The following TMEM232 variants were observed in gnomAD, a reference collection of about 807,000 sequenced individuals.
TMEM232 encodes the protein transmembrane protein 232.
Under a neutral mutation model 78.8 loss-of-function variants are expected in TMEM232, and 80 were observed. The ratio of observed to expected loss-of-function variants is 1.01; its 90% confidence interval spans 0.85 to 1.22. The LOEUF (loss-of-function observed/expected upper bound fraction) is 1.22, where lower values mean the gene tolerates loss of function less well. Among genes scored for constraint, TMEM232 ranks in the 50% most tolerant of loss-of-function variants. The pLI is 0.00. For synonymous variants in TMEM232, 297 were observed against 254.3 expected (o/e 1.17, Z -1.60); for missense variants, 881 against 742.2 (o/e 1.19, Z -2.17).
intron 1 of TMEM232, among the ~76,000 whole-genome samples, chr5:110,736,955 C>A (rs3985087): frequency 0.086 from 12,901 of 149,280 alleles, 573 homozygotes; most frequent in Admixed American, 0.13. Flanking sequence ...TCACTTCATT[C>A]AGTTCTCTGC....
At chr5:110,613,835 C>G (rs1350607525) in intron 8 of TMEM232, among the ~76,000 whole-genome samples, 2 of 151,942 alleles carry the variant, frequency 1.3e-5, no homozygotes, top group Non-Finnish European at 2.9e-5. Flanking sequence ...GTTATGGCCT[C>G]TTGAAACCTA....
intron 10 of TMEM232, 58 bp downstream of exon 10, chr5:110,605,051 T>C (rs1205058708): frequency 1.0e-5 from 15 of 1,430,668 alleles, no homozygotes; most frequent in Non-Finnish European, 1.3e-5. Flanking sequence ...CTTATTACTA[T>C]ATGTAGACAG....
chr5:110,535,171 A>G (rs761838348), intron 11 of TMEM232, among the ~76,000 whole-genome samples: 1 of 152,172 alleles, frequency 6.6e-6, no homozygotes, highest in Non-Finnish European at 1.5e-5. Context: ...ACCTGCCTGT[A>G]CACATCCAGA....
chr5:110,713,368 A>G (rs1035762644), intron 1 of TMEM232, among the ~76,000 whole-genome samples: 1 of 152,130 alleles, frequency 6.6e-6, no homozygotes, highest in Non-Finnish European at 1.5e-5. Context: ...GTCAATAATA[A>G]TTTAATTATA....
At chr5:110,618,598 T>C in intron 7 of TMEM232, 36 bp from the exon 8 acceptor site, 2 of 1,513,940 alleles carry the variant, frequency 1.3e-6, no homozygotes, top group Non-Finnish European at 1.8e-6. Context: ...AATTAAAATA[T>C]AAAAATATAT....
intron 10 of TMEM232, among the ~76,000 whole-genome samples, chr5:110,571,834 C>A: frequency 6.6e-6 from 1 of 151,648 alleles, no homozygotes; most frequent in Non-Finnish European, 1.5e-5. Context: ...GATAAGGTAC[C>A]AAAGCTAGCT....
intron 10 of TMEM232, among the ~76,000 whole-genome samples, chr5:110,596,827 A>G (rs1218336598): frequency 6.6e-6 from 1 of 152,208 alleles, no homozygotes; most frequent in Non-Finnish European, 1.5e-5. Flanking sequence ...CTTTATGCTA[A>G]AAACTCTCAA....
At chr5:110,389,464 G>C (rs1223058183) in intron 4 of TMEM232, among the ~76,000 whole-genome samples, 1 of 152,122 alleles carries the variant, frequency 6.6e-6, no homozygotes, top group Non-Finnish European at 1.5e-5. Flanking sequence ...CACATTCATG[G>C]CCAGAGGATA....
At chr5:110,728,851 GCTT>G (rs1053270733), upstream of TMEM232, among the ~76,000 whole-genome samples, 7 of 23,802 alleles carry the variant, frequency 2.9e-4, no homozygotes, top group African/African-American at 7.0e-4. Context: ...GTTTTTTTCT[GCTT>G]TTTTTTTTTT....
rs914698606 is a variant in TMEM232 at position 110,640,935 on chromosome 5, G to T, written c.299C>A (p.Thr100Asn). 1 of 1,541,610 alleles carries T rather than the reference G, an allele frequency of 6.5e-7. No homozygotes were observed. Among genetic ancestry groups the T allele is most frequent in the Admixed American group, 2.0e-5 (1 of 50,118 alleles). The change falls in exon 4 of 14, where the codon ACT (threonine) becomes AAT (asparagine). Residue 100 changes from threonine to asparagine, a missense_variant. Transcript: ENST00000455884. Reference protein sequence around the residue: ...GRHVHLPAAWTEVIYLAQCKG... With the variant: ...GRHVHLPAAWNEVIYLAQCKG... ...GCATTGAGCCAGATATATTACTTCA[G>T]TCCATGCAGCAGGAAGATGCACATG...
At chr5:110,722,808 C>T (rs1797781002) in intron 1 of TMEM232, among the ~76,000 whole-genome samples, 1 of 152,114 alleles carries the variant, frequency 6.6e-6, no homozygotes, top group African/African-American at 2.4e-5. Context: ...TTTTTATATG[C>T]TTGTTTGTGT....
chr5:110,429,348 CA>C (rs1401123708), intron 12 of TMEM232, among the ~76,000 whole-genome samples: 1 of 151,726 alleles, frequency 6.6e-6, no homozygotes, highest in African/African-American at 2.4e-5. Context: ...GTTTCTTTAA[CA>C]GTTCAAGGAT....
chr5:110,723,588 T>C (rs1406455757), intron 1 of TMEM232, among the ~76,000 whole-genome samples: 1 of 152,180 alleles, frequency 6.6e-6, no homozygotes, highest in Non-Finnish European at 1.5e-5. Context: ...AAAGCATTAC[T>C]TCTGTTTACA....
chr5:110,470,828 A>G (rs1762589776), intron 12 of TMEM232, among the ~76,000 whole-genome samples: 1 of 152,256 alleles, frequency 6.6e-6, no homozygotes, highest in Non-Finnish European at 1.5e-5. Flanking sequence ...CAAAAAAGCA[A>G]TGAAAAATCA....
chr5:110,605,281 G>C lies in TMEM232; in HGVS notation c.1104C>G (p.Ile368Met). Reference sequence around the variant, plus strand: ...AATCAGAAGTGGCTGCATACAAGCAGATTTCTGCAAGAATTACTGTATATA... The same window carrying C: ...AATCAGAAGTGGCTGCATACAAGCACATTTCTGCAAGAATTACTGTATATA... ...VYIYTVILAE[I>M]CLYAATSDLR... The change falls in exon 10 of 14, where the codon ATC becomes ATG. Residue 368 changes from isoleucine to methionine, a missense_variant. Physicochemically the swap from Ile to Met is conservative, Grantham distance 10 (BLOSUM62 1). Transcript: ENST00000455884. 1 of 1,551,336 alleles carries C rather than the reference G, an allele frequency of 6.4e-7. No individual in the cohort carries two copies. Among genetic ancestry groups the C allele is most frequent in the African/African-American group, 1.4e-5 (1 of 73,152 alleles).
chr5:110,481,454 C>T (rs2149396331), intron 12 of TMEM232, among the ~76,000 whole-genome samples: 1 of 151,968 alleles, frequency 6.6e-6, no homozygotes, highest in East Asian at 1.9e-4. Context: ...TGGGTTATGA[C>T]AATAGAAAAA....
At chr5:110,641,170 T>C (rs1003091252) in intron 3 of TMEM232, among the ~76,000 whole-genome samples, 174 bp from the exon 4 acceptor site, 1 of 152,160 alleles carries the variant, frequency 6.6e-6, no homozygotes, top group Non-Finnish European at 1.5e-5. Context: ...TTGGAGATTT[T>C]ATGCAAACTG....
At chr5:110,653,511 ATAGCAGTT>A (rs1788614881) in intron 2 of TMEM232, among the ~76,000 whole-genome samples, 1 of 152,236 alleles carries the variant, frequency 6.6e-6, no homozygotes, top group Non-Finnish European at 1.5e-5. Flanking sequence ...AAAGGACAGA[ATAGCAGTT>A]GTCCTTTCAA....
chr5:110,618,557 T>C lies in TMEM232; in HGVS notation c.774A>G (p.Gly258=). ...RYENTDSDMG[G]YEINHLLWHC... ...GCCAGAGCAGGTGGTTAATTTCATA[T>C]CCTCCCTGATTAAATTGCAAATGTT... The change falls in exon 8 of 14, where the codon GGA becomes GGG. Residue 258 remains glycine (G), a synonymous_variant. Transcript: ENST00000455884. 2 of 1,546,452 alleles carry C rather than the reference T, an allele frequency of 1.3e-6. No homozygotes were observed. Among genetic ancestry groups the C allele is most frequent in the Non-Finnish European group, 1.7e-6 (2 of 1,145,616 alleles).
Sources: allele counts gnomAD v4.1 joint callset (sites outside exome capture counted in the v4.1 genomes callset), GRCh38; gene constraint gnomAD v4.1.1; transcripts MANE v1.5; gene names NCBI Gene and HGNC (gene_info 2026-07-23, HGNC 2026-07-21).